The following HCN1 variants were observed in gnomAD, a reference collection of about 807,000 sequenced individuals.
HCN1 encodes the protein hyperpolarization activated cyclic nucleotide gated potassium channel 1.
Under a neutral mutation model 78.9 loss-of-function variants are expected in HCN1, and 13 were observed. That is an observed-to-expected ratio of 0.16 (90% confidence interval 0.11 to 0.26). The LOEUF (loss-of-function observed/expected upper bound fraction) is 0.26, where lower values mean the gene tolerates loss of function less well. Among genes scored for constraint, HCN1 ranks in the 10% least tolerant of loss-of-function variants. The pLI is 1.00. For missense variants in HCN1, 810 were observed against 1,154.3 expected, an observed-to-expected ratio of 0.70 and a Z score of 4.32; for synonymous variants, 552 against 455.5, an observed-to-expected ratio of 1.21 and a Z score of -2.70.
intron 2 of HCN1, among the ~76,000 whole-genome samples, chr5:45,482,258 C>G (rs1177540784): frequency 6.6e-6 from 1 of 152,194 alleles, no homozygotes; most frequent in East Asian, 1.9e-4. Context: ...GGTTCACAAA[C>G]AGTGGCAGCA....
intron 3 of HCN1, among the ~76,000 whole-genome samples, chr5:45,447,558 T>G (rs997764722): frequency 6.6e-6 from 1 of 152,222 alleles, no homozygotes; most frequent in African/African-American, 2.4e-5. Flanking sequence ...ATTATTAATA[T>G]GTTGAAAATA....
chr5:45,683,960 C>T (rs937437850), intron 1 of HCN1, among the ~76,000 whole-genome samples: 3 of 151,832 alleles, frequency 2.0e-5, no homozygotes, highest in East Asian at 1.9e-4. Context: ...CATGAGCCAC[C>T]GTGCCTGGTC....
rs572666382 is a variant in HCN1 at position 45,584,804 on chromosome 5, G to C, written c.849+60381C>G. Among the ~76,000 whole-genome samples the C allele has an allele frequency of 3.9e-5, 6 of 152,256 alleles. No individual in the cohort carries two copies. The South Asian group carries it at 1.2e-3, about 32-fold the overall frequency. ...TCACTTATGAAGCTTAGTTTGGCTG[G>C]ATATGAAATTCTGGGTTGAAAATTC... On this transcript the variant is annotated intron_variant, in intron 2 of 7. Transcript: ENST00000303230.
intron 2 of HCN1, among the ~76,000 whole-genome samples, chr5:45,520,783 T>A (rs191020264): frequency 6.6e-6 from 1 of 151,942 alleles, no homozygotes; most frequent in Non-Finnish European, 1.5e-5. Context: ...CAATGGAGAA[T>A]AAGCAGCTTC....
At chr5:45,604,660 TG>T (rs1156975566) in intron 2 of HCN1, among the ~76,000 whole-genome samples, 1 of 151,998 alleles carries the variant, frequency 6.6e-6, no homozygotes, top group Non-Finnish European at 1.5e-5. Flanking sequence ...AGCTAATGAA[TG>T]CTTTAGCTGT....
rs936646328 is a variant in HCN1 at position 45,260,998 on chromosome 5, A to C, written c.*923T>G. ...GTAATACAAGCAATTTGTAGATTCGAGCATACAATTTTGCATAAAACATTG... is the reference window on the plus strand; with the variant it reads ...GTAATACAAGCAATTTGTAGATTCGCGCATACAATTTTGCATAAAACATTG... On this transcript the variant is annotated 3_prime_UTR_variant, in exon 8 of 8. Transcript: ENST00000303230. The C allele has an allele frequency of 2.6e-5, 4 of 152,650 alleles. No homozygotes were observed. The highest frequency in any genetic ancestry group is 9.6e-5 in the African/African-American group (4 of 41,470). The allele number at this position is 152,650 out of a possible 1,614,324, so 9.5% of individuals were successfully genotyped here. A position where few individuals can be genotyped will look rare whatever the true frequency, so the allele number is the denominator to read the frequency against.
At chr5:45,554,018 A>G (rs900002598) in intron 2 of HCN1, among the ~76,000 whole-genome samples, 2 of 151,868 alleles carry the variant, frequency 1.3e-5, no homozygotes, top group Non-Finnish European at 2.9e-5. Context: ...CTAAATCCCA[A>G]CATCCAAGTT....
At chr5:45,478,223 CTGTGG>C (rs1254383359) in intron 2 of HCN1, among the ~76,000 whole-genome samples, 1 of 152,040 alleles carries the variant, frequency 6.6e-6, no homozygotes, top group African/African-American at 2.4e-5. Flanking sequence ...ATACTCAGAA[CTGTGG>C]CCAAATAATG....
intron 2 of HCN1, among the ~76,000 whole-genome samples, chr5:45,611,830 T>C (rs1744843311): frequency 6.6e-6 from 1 of 152,088 alleles, no homozygotes; most frequent in African/African-American, 2.4e-5. Context: ...TTAAGAAAAT[T>C]ATCATGGAAA....
intron 1 of HCN1, among the ~76,000 whole-genome samples, chr5:45,656,422 G>C (rs1277452698): frequency 6.6e-6 from 1 of 152,138 alleles, no homozygotes; most frequent in Non-Finnish European, 1.5e-5. Context: ...AGACACAAAG[G>C]AGAGTGATCA....
intron 5 of HCN1, among the ~76,000 whole-genome samples, chr5:45,334,155 A>T (rs1182935970): frequency 6.6e-6 from 1 of 151,896 alleles, no homozygotes; most frequent in Non-Finnish European, 1.5e-5. Context: ...TTTTAGTTGT[A>T]TTTGCACATA....
chr5:45,351,063 A>G (rs1433748195), intron 5 of HCN1, among the ~76,000 whole-genome samples: 1 of 152,062 alleles, frequency 6.6e-6, no homozygotes, highest in African/African-American at 2.4e-5. Flanking sequence ...AGCCCGCATC[A>G]CCAAGTCAAT....
At chr5:45,666,493 C>A (rs940318719) in intron 1 of HCN1, among the ~76,000 whole-genome samples, 1 of 151,970 alleles carries the variant, frequency 6.6e-6, no homozygotes, top group African/African-American at 2.4e-5. Flanking sequence ...ATAATAAACC[C>A]AAATGAGCAT....
chr5:45,342,390 T>C (rs1746602396), intron 5 of HCN1, among the ~76,000 whole-genome samples: 1 of 144,076 alleles, frequency 6.9e-6, no homozygotes, highest in Non-Finnish European at 1.5e-5. Context: ...CCACTACACC[T>C]GGCTATTTTT....
At chr5:45,595,881 C>A (rs1279165078) in intron 2 of HCN1, among the ~76,000 whole-genome samples, 1 of 150,438 alleles carries the variant, frequency 6.6e-6, no homozygotes, top group East Asian at 2.0e-4. Flanking sequence ...GTTAACTGTA[C>A]TTTGGACCTA....
At chr5:45,311,549 T>C (rs1298055783) in intron 5 of HCN1, among the ~76,000 whole-genome samples, 1 of 152,198 alleles carries the variant, frequency 6.6e-6, no homozygotes, top group Non-Finnish European at 1.5e-5. Flanking sequence ...ATGACATAAT[T>C]TTTAAGTTAA....
At chr5:45,661,329 C>A (rs972480083) in intron 1 of HCN1, among the ~76,000 whole-genome samples, 3 of 146,484 alleles carry the variant, frequency 2.0e-5, no homozygotes, top group African/African-American at 5.1e-5. Flanking sequence ...ATTTATAGCA[C>A]TAAATGCCTA....
chr5:45,385,775 C>T (rs1014071436), intron 4 of HCN1, among the ~76,000 whole-genome samples: 12 of 152,094 alleles, frequency 7.9e-5, no homozygotes, highest in African/African-American at 2.7e-4. Flanking sequence ...AAATAAAATT[C>T]CACAATTACC....
At chr5:45,460,537 A>C (rs1025339274) in intron 3 of HCN1, among the ~76,000 whole-genome samples, 7 of 152,152 alleles carry the variant, frequency 4.6e-5, no homozygotes, top group African/African-American at 1.7e-4. Flanking sequence ...TGGGGAACAC[A>C]GAAAAATATA....
Sources: gnomAD v4.1 joint callset for allele counts (sites outside exome capture counted in the v4.1 genomes callset) on GRCh38, gnomAD v4.1.1 for gene constraint, MANE v1.5 for transcripts, NCBI Gene and HGNC (gene_info 2026-07-23, HGNC 2026-07-21) for gene names.